The following PATJ variants were observed in gnomAD, a reference collection of about 807,000 sequenced individuals.
The protein encoded by PATJ is inaD-like protein.
PATJ carries 190 observed loss-of-function variants against 224.9 expected under a neutral mutation model. The observed-to-expected ratio is 0.84, with a 90% CI of 0.75 to 0.95. The LOEUF (loss-of-function observed/expected upper bound fraction) is 0.95, where lower values mean the gene tolerates loss of function less well. Ranked by LOEUF, PATJ falls within the 40% of genes least tolerant of loss-of-function variation. The pLI is 0.00. For synonymous variants in PATJ, 769 were observed against 820.3 expected (o/e 0.94, Z 1.07); for missense variants, 2,121 against 2,270.3 (o/e 0.93, Z 1.34).
intron 1 of PATJ, among the ~76,000 whole-genome samples, chr1:61,753,729 C>G (rs1240675201): frequency 2.6e-5 from 4 of 151,758 alleles, no homozygotes; most frequent in Admixed American, 6.6e-5. Flanking sequence ...AGGCTGGTCT[C>G]GAACTCCTGA....
chr1:62,002,376 A>G (rs1645827138), intron 28 of PATJ, among the ~76,000 whole-genome samples: 2 of 152,166 alleles, frequency 1.3e-5, no homozygotes, highest in Non-Finnish European at 2.9e-5. Flanking sequence ...TCCTGCCCCT[A>G]CAGGACTGAT....
intron 41 of PATJ, among the ~76,000 whole-genome samples, chr1:62,131,518 C>G (rs994245328): frequency 4.6e-5 from 7 of 152,088 alleles, no homozygotes; most frequent in Non-Finnish European, 1.0e-4. Flanking sequence ...TGTGGTAGCG[C>G]ATGCCTGTAA....
chr1:61,927,979 T>G (rs917559254), intron 27 of PATJ, 150 bp downstream of exon 27: 7 of 594,242 alleles, frequency 1.2e-5, no homozygotes. Flanking sequence ...TTTGAAGCTT[T>G]TGTGGCGTCA....
At chr1:61,889,379 A>G (rs1015845157) in intron 22 of PATJ, among the ~76,000 whole-genome samples, 5 of 152,180 alleles carry the variant, frequency 3.3e-5, no homozygotes, top group African/African-American at 9.7e-5. Context: ...GTGGGCAGGC[A>G]GGGTATAATT....
At chr1:61,812,467 T>TGTGTGTGTGG (rs1655074525) in intron 14 of PATJ, among the ~76,000 whole-genome samples, 2 of 137,288 alleles carry the variant, frequency 1.5e-5, no homozygotes, top group African/African-American at 5.4e-5. Context: ...TGTGTGTGTG[T>TGTGTGTGTGG]GGTGGTATTG....
chr1:62,009,292 A>G (rs1646285912), intron 28 of PATJ, among the ~76,000 whole-genome samples: 1 of 152,208 alleles, frequency 6.6e-6, no homozygotes, highest in East Asian at 1.9e-4. Flanking sequence ...GACTACCACA[A>G]TAAAGCAAGT....
At chr1:61,973,803 G>A (rs911833464) in intron 27 of PATJ, among the ~76,000 whole-genome samples, 6 of 151,816 alleles carry the variant, frequency 4.0e-5, no homozygotes, top group Admixed American at 1.3e-4. Flanking sequence ...TTGGCTTTTC[G>A]CAATGCTGTT....
chr1:62,048,317 G>A (rs1652913693), intron 30 of PATJ, among the ~76,000 whole-genome samples: 1 of 152,030 alleles, frequency 6.6e-6, no homozygotes, highest in Non-Finnish European at 1.5e-5. Context: ...AGGCTGAGGT[G>A]GGTGGATCAC....
intron 26 of PATJ, among the ~76,000 whole-genome samples, chr1:61,921,459 T>C (rs1313834993): frequency 6.6e-6 from 1 of 152,184 alleles, no homozygotes; most frequent in Non-Finnish European, 1.5e-5. Context: ...ATAGGTAATA[T>C]ATAAGATTCC....
chr1:62,002,733 A>AAGAGAG lies in PATJ; in HGVS notation c.3867+12375_3867+12380dup, dbSNP rs1553238285. Among the ~76,000 whole-genome samples, 157 of 130,666 alleles carry AAGAGAG rather than the reference A, an allele frequency of 1.2e-3. 7 individuals are homozygous for AAGAGAG. The highest frequency in any genetic ancestry group is 0.01 in the East Asian group (46 of 4,600). The allele number at this position is 130,666 out of a possible 152,430, so 85.7% of individuals were successfully genotyped here. On this transcript the variant is annotated intron_variant, in intron 28 of 43. Transcript: ENST00000642238. Reference sequence around the variant, plus strand: ...TCAAAAAAAAAAAAAAAAAAAAAAAAAGAGAGAGAGAAACTGGAGTTGGAA... The same window carrying AAGAGAG: ...TCAAAAAAAAAAAAAAAAAAAAAAAAAGAGAGAGAGAGAGAGAAACTGGAGTTGGAA...
chr1:61,814,587 T>C lies in PATJ; in HGVS notation c.1683+6057T>C, dbSNP rs572450717. ...ATGTATGTGGGATAGAAGGGGTGTG[T>C]AGTTTTTCCATGTAACATTATCATA... On this transcript the variant is annotated intron_variant, in intron 14 of 43. Transcript: ENST00000642238. Among the ~76,000 whole-genome samples, 4 of 151,728 alleles carry C rather than the reference T, an allele frequency of 2.6e-5. No individual in the cohort carries two copies. The East Asian group carries it at 7.8e-4, about 29-fold the overall frequency.
chr1:62,158,965 T>G (rs961504205), intron 43 of PATJ, among the ~76,000 whole-genome samples: 4 of 152,034 alleles, frequency 2.6e-5, no homozygotes, highest in African/African-American at 4.8e-5. Flanking sequence ...AATTTAAAAA[T>G]TCTTTCCTTG....
chr1:61,894,615 G>A (rs2886445), intron 22 of PATJ, among the ~76,000 whole-genome samples: 94,413 of 152,024 alleles, frequency 0.62, 30,169 homozygotes, highest in Admixed American at 0.7. Context: ...TAAGTTTCCT[G>A]AGACCTCCCC....
intron 27 of PATJ, among the ~76,000 whole-genome samples, chr1:61,931,829 G>C (rs1293632355): frequency 6.6e-6 from 1 of 152,128 alleles, no homozygotes; most frequent in African/African-American, 2.4e-5. Context: ...TCATCATATA[G>C]ATAAGGGCTT....
chr1:61,772,483 G>C (rs1175015306), intron 6 of PATJ, among the ~76,000 whole-genome samples: 1 of 152,014 alleles, frequency 6.6e-6, no homozygotes, highest in Non-Finnish European at 1.5e-5. Context: ...ATTTTGGCTT[G>C]CATCGTCAGA....
chr1:61,939,038 G>A (rs1347131438), intron 27 of PATJ, among the ~76,000 whole-genome samples: 6 of 143,390 alleles, frequency 4.2e-5, no homozygotes, highest in Admixed American at 7.4e-5. Flanking sequence ...CAGGAGAATC[G>A]CTTGAACCCA....
intron 35 of PATJ, among the ~76,000 whole-genome samples, chr1:62,115,267 G>A (rs781662984): frequency 1.3e-5 from 2 of 152,062 alleles, no homozygotes; most frequent in African/African-American, 2.4e-5. Context: ...CTGAGATCAC[G>A]CCATTGCATT....
At chr1:61,758,509 C>T (rs927082439) in intron 1 of PATJ, among the ~76,000 whole-genome samples, 6 of 152,074 alleles carry the variant, frequency 3.9e-5, no homozygotes, top group Non-Finnish European at 7.3e-5. Context: ...CCACCACGCC[C>T]AGCTAATTTT....
intron 31 of PATJ, among the ~76,000 whole-genome samples, chr1:62,070,375 A>G (rs1233597835): frequency 1.3e-5 from 2 of 152,132 alleles, no homozygotes; most frequent in Admixed American, 6.5e-5. Context: ...CCTTCCTTTC[A>G]TGGCTGGTTC....
Sources: allele counts gnomAD v4.1 joint callset (sites outside exome capture counted in the v4.1 genomes callset), GRCh38; gene constraint gnomAD v4.1.1; transcripts MANE v1.5; gene names NCBI Gene and HGNC (gene_info 2026-07-23, HGNC 2026-07-21).